CREBBP: variants seen among roughly 807,000 people sequenced by gnomAD.
CREBBP encodes CREB-binding protein.
CREBBP carries 19 observed loss-of-function variants against 265.0 expected under a neutral mutation model. The observed-to-expected ratio is 0.07, with a 90% CI of 0.05 to 0.11. The LOEUF (loss-of-function observed/expected upper bound fraction) is 0.11. Among genes scored for constraint, CREBBP ranks in the 10% least tolerant of loss-of-function variants. The pLI is 1.00. For missense variants in CREBBP, 2,525 were observed against 3,219.0 expected (o/e 0.78, Z 5.22); for synonymous variants, 1,457 against 1,223.7 (o/e 1.19, Z -3.98).
chr16:3,727,246 AT>A lies in CREBBP; in HGVS notation c.*471del, dbSNP rs2051768108. The stretch of plus-strand genomic sequence containing the variant: ...CTATAGAAAAAAATCTTCCCGAAAC[AT>A]CACAAAGTTATCGGGATACATTATA... On this transcript the variant is annotated 3_prime_UTR_variant, in exon 31 of 31. Transcript: ENST00000262367. The A allele has an allele frequency of 1.2e-5, 3 of 256,046 alleles. No individual in the cohort carries two copies. The South Asian group carries it at 3.3e-4, about 29-fold the overall frequency. The allele number at this position is 256,046 out of a possible 1,614,324, so 15.9% of individuals were successfully genotyped here.
intron 3 of CREBBP, among the ~76,000 whole-genome samples, chr16:3,796,408 C>T (rs1302163570): frequency 1.4e-5 from 2 of 141,576 alleles, no homozygotes; most frequent in African/African-American, 2.7e-5. Context: ...TTTTTTGAGA[C>T]GGGAGTCTCA....
Position 3,728,818 on chromosome 16 carries a change from G to T in CREBBP, c.6229C>A (p.Pro2077Thr), listed in dbSNP as rs1193973836. ...LQDLLRTLKSPSSPQQQQQVL... is the reference protein window; with the variant it reads ...LQDLLRTLKSTSSPQQQQQVL... The stretch of plus-strand genomic sequence containing the variant: ...TGCTGTTGCTGCTGAGGGGAGCTGG[G>T]CGACTTCAGGGTCCGCAGCAGGTCT... Residue 2077 changes from proline to threonine, a missense_variant, in exon 31 of 31, where the codon CCC becomes ACC. Coordinates refer to ENST00000262367, the MANE Select transcript of CREBBP (RefSeq NM_004380.3). This position sits in a 1 kb window ranked among gnomAD's most constrained non-coding sequence, Gnocchi z 8.7. 1 of 1,613,604 alleles carries T rather than the reference G, an allele frequency of 6.2e-7. No individual in the cohort carries two copies. Among genetic ancestry groups the T allele is most frequent in the Non-Finnish European group, 8.5e-7 (1 of 1,180,002 alleles).
In CREBBP at chr16:3,880,020, C is replaced by T; in HGVS notation, c.-104G>A. ...CGGCTGCGAGGGAGAGGAGCGAGCG[C>T]GGGCCGCGAGCGGGCGGGCGGGCGC... On this transcript the variant is annotated 5_prime_UTR_variant, in exon 1 of 31. Coordinates refer to ENST00000262367, the MANE Select transcript of CREBBP (RefSeq NM_004380.3). 1 of 1,022,990 alleles carries T rather than the reference C, an allele frequency of 9.8e-7. No individual in the cohort carries two copies. The highest frequency in any genetic ancestry group is 1.7e-5 in the African/African-American group (1 of 58,564). 63.4% of individuals were successfully genotyped at this position (1,022,990 alleles called of 1,614,324 possible).
Position 3,740,354 on chromosome 16 carries a change from C to T in CREBBP, c.4133+45G>A, listed in dbSNP as rs746354753. The T allele has an allele frequency of 3.9e-5, 63 of 1,611,438 alleles. No individual in the cohort carries two copies. The South Asian group carries it at 4.9e-4, about 13-fold the overall frequency. ...CAGAGAGCAGGCTCTGGCAAGCGGG[C>T]GTGGGGACTGCTCGCAGAGCACTGT... On this transcript the variant is annotated intron_variant, in intron 24 of 30. Transcript: ENST00000262367.
intron 21 of CREBBP, among the ~76,000 whole-genome samples, chr16:3,746,703 T>C (rs928677826): frequency 1.3e-5 from 2 of 152,066 alleles, no homozygotes; most frequent in Non-Finnish European, 2.9e-5. Context: ...TCCTAGCATG[T>C]GGAGAGGCTG....
At chr16:3,761,321 TA>T (rs1422583608) in intron 16 of CREBBP, among the ~76,000 whole-genome samples, 1 of 152,138 alleles carries the variant, frequency 6.6e-6, no homozygotes, top group East Asian at 1.9e-4. Flanking sequence ...TAAAATATGG[TA>T]AACATTTAAA....
chr16:3,770,967 G>A lies in CREBBP; in HGVS notation c.2483C>T (p.Ala828Val), dbSNP rs1468307928. The A allele has an allele frequency of 6.2e-7, 1 of 1,613,426 alleles. No individual in the cohort carries two copies. Among genetic ancestry groups the A allele is most frequent in the East Asian group, 2.2e-5 (1 of 44,894 alleles). Residue 828 changes from alanine (A) to valine (V), a missense_variant, in exon 14 of 31, where the codon GCT becomes GTT. Physicochemically the swap from Ala to Val is moderately conservative, Grantham distance 64. Around this residue, in one of 19 missense-constraint regions of CREBBP, gnomAD observed 548 missense variants for 533.0 expected, o/e 1.03. Coordinates refer to ENST00000262367, the MANE Select transcript of CREBBP (RefSeq NM_004380.3). ...GVSQGQVPGA[A>V]LPNPLNMLGP... ...CAGCATGTTGAGAGGGTTAGGAAGA[G>A]CAGCACCAGGCACCTGTCCCTACCA...
Position 3,728,438 on chromosome 16 carries a change from T to TTGC in CREBBP, c.6606_6608dup (p.Gln2216dup), listed in dbSNP as rs746121736. 38 of 1,612,514 alleles carry TTGC rather than the reference T, an allele frequency of 2.4e-5. No homozygotes were observed. The East Asian group carries it at 5.1e-4, about 22-fold the overall frequency. On this transcript the variant is annotated inframe_insertion, in exon 31 of 31. Transcript: ENST00000262367. This position sits in a 1 kb window ranked among gnomAD's most constrained non-coding sequence, Gnocchi z 8.7. ...GTTGCTGCTGTTGTTGCTGCTGCTG[T>TTGC]TGCTGCTGCTGCTGCAGCAGCTGCC...
At position 3,880,395 on chromosome 16, in the gene CREBBP, GC is replaced by G. The variant is rs1376182956; in HGVS notation, c.-480del. 7.1e-6 allele frequency: 1 copy of G among 141,000 alleles called. No individual in the cohort carries two copies. The highest frequency in any genetic ancestry group is 1.6e-5 in the Non-Finnish European group (1 of 63,808). The allele number at this position is 141,000 out of a possible 1,614,324, so 8.7% of individuals were successfully genotyped here. A position where few individuals can be genotyped will look rare whatever the true frequency, so the allele number is the denominator to read the frequency against. On this transcript the variant is annotated 5_prime_UTR_variant, in exon 1 of 31. Transcript: ENST00000262367. ...GAGGGGGCTCCGGGCTCCGCTCCCG[GC>G]CCGCGGCCCGCCGCCGCCGCCGCCG...
Position 3,728,414 on chromosome 16 carries a change from TTGCTGCTGTTGTTGC to T in CREBBP, c.6618_6632del (p.Gln2212_Gln2216del), listed in dbSNP as rs767681669. ...CGGCACTCCCTTGCTGCTGCTGCTG[TTGCTGCTGTTGTTGC>T]TGCTGCTGTTGCTGCTGCTGCTGCA... On this transcript the variant is annotated inframe_deletion, in exon 31 of 31. Coordinates refer to ENST00000262367, the MANE Select transcript of CREBBP (RefSeq NM_004380.3). The surrounding 1 kb of genome is among the most constrained non-coding windows in gnomAD (Gnocchi z 8.7). 23 of 1,613,094 alleles carry T rather than the reference TTGCTGCTGTTGTTGC, an allele frequency of 1.4e-5. No individual in the cohort carries two copies. Among genetic ancestry groups the T allele is most frequent in the East Asian group, 2.2e-5 (1 of 44,852 alleles).
In CREBBP at chr16:3,727,011, G is replaced by C. The variant is rs1380986675; in HGVS notation, c.*707C>G. On this transcript the variant is annotated 3_prime_UTR_variant, in exon 31 of 31. Transcript: ENST00000262367. ...GAAAGAAAAGAAGGCTTCTTCTCTA[G>C]TAACATTAGCATGGTCTAAGAGTGA... 2 of 233,574 alleles carry C rather than the reference G, an allele frequency of 8.6e-6. No homozygotes were observed. Among genetic ancestry groups the C allele is most frequent in the African/African-American group, 4.4e-5 (2 of 45,336 alleles). The allele number at this position is 233,574 out of a possible 1,614,324, so 14.5% of individuals were successfully genotyped here. A position where few individuals can be genotyped will look rare whatever the true frequency, so the allele number is the denominator to read the frequency against.
intron 30 of CREBBP, among the ~76,000 whole-genome samples, chr16:3,730,097 G>T (rs1313429393): frequency 6.6e-6 from 1 of 152,166 alleles, no homozygotes; most frequent in African/African-American, 2.4e-5. Flanking sequence ...GACAACATGG[G>T]ATCATGGACA....
At position 3,774,758 on chromosome 16, in the gene CREBBP, C is replaced by T. The variant is rs533365787; in HGVS notation, c.2159-65G>A. On this transcript the variant is annotated intron_variant, in intron 11 of 30. Coordinates refer to ENST00000262367, the MANE Select transcript of CREBBP (RefSeq NM_004380.3). ...CACAGGAAAACAGAATTACAACTTG[C>T]TAAATAAACTCTTAAGTAAAATAAG... 161 of 1,600,032 alleles carry T rather than the reference C, an allele frequency of 1.0e-4. No individual in the cohort carries two copies. The African/African-American group carries it at 1.9e-3, about 19-fold the overall frequency.
At chr16:3,842,068 C>G (rs538607005) in intron 2 of CREBBP, among the ~76,000 whole-genome samples, 1 of 152,178 alleles carries the variant, frequency 6.6e-6, no homozygotes, top group South Asian at 2.1e-4. Context: ...GGTTTTCTGA[C>G]CACTTTCTAA....
In CREBBP at chr16:3,728,383, C is replaced by T. The variant is rs1596782515; in HGVS notation, c.6664G>A (p.Ala2222Thr). ...QQQQQGSAGM[A>T]GGMAGHGQFQ... ...TGGCCGTGCCCCGCCATGCCCCCAG[C>T]CATGCCGGCACTCCCTTGCTGCTGC... The change falls in exon 31 of 31, where the codon GCT becomes ACT. Residue 2222 changes from alanine to threonine, a missense_variant. Around this residue, in one of 19 missense-constraint regions of CREBBP, gnomAD observed 473 missense variants for 459.3 expected, o/e 1.03. Transcript: ENST00000262367. This position sits in a 1 kb window ranked among gnomAD's most constrained non-coding sequence, Gnocchi z 8.7. 6.2e-7 allele frequency: 1 copy of T among 1,613,614 alleles called. No individual in the cohort carries two copies. Among genetic ancestry groups the T allele is most frequent in the African/African-American group, 1.3e-5 (1 of 75,028 alleles).
At chr16:3,740,027 G>A (rs986953488) in intron 24 of CREBBP, among the ~76,000 whole-genome samples, 1 of 152,142 alleles carries the variant, frequency 6.6e-6, no homozygotes, top group Non-Finnish European at 1.5e-5. Context: ...GACCAGCAGT[G>A]GATGCTGGAA....
At chr16:3,803,418 T>C (rs2053765720) in intron 3 of CREBBP, among the ~76,000 whole-genome samples, 2 of 151,672 alleles carry the variant, frequency 1.3e-5, no homozygotes, top group South Asian at 4.2e-4. Context: ...GGCAGGAGAA[T>C]AGCTTGAACC....
chr16:3,802,114 A>ATT (rs71133657), intron 3 of CREBBP, among the ~76,000 whole-genome samples: 1,158 of 50,630 alleles, frequency 0.023, 272 homozygotes, highest in African/African-American at 0.041. Context: ...GTATTCCTTA[A>ATT]TTTTTTTTTT....
In CREBBP at chr16:3,835,492, C is replaced by T. The variant is rs78727550; in HGVS notation, c.798+14805G>A. On this transcript the variant is annotated intron_variant, in intron 2 of 30. Coordinates refer to ENST00000262367, the MANE Select transcript of CREBBP (RefSeq NM_004380.3). ...AGACACCTCCTTGTACAGTGAATTT[C>T]GTTGCTAGTTATTTATCTAAGAGAA... 5.4e-3 allele frequency among the ~76,000 whole-genome samples: 818 copies of T among 151,530 alleles called. 4 individuals are homozygous for T. The highest frequency in any genetic ancestry group is 0.011 in the East Asian group (57 of 5,176).
Sources: allele counts gnomAD v4.1 joint callset (sites outside exome capture counted in the v4.1 genomes callset), GRCh38; gene constraint gnomAD v4.1.1; regional missense constraint gnomAD v4.1.1; non-coding constraint Gnocchi (gnomAD v3.1); transcripts MANE v1.5; gene names NCBI Gene and HGNC (gene_info 2026-07-23, HGNC 2026-07-21).